Variants in GLYATL1 observed in about 807,000 individuals in gnomAD.
GLYATL1 encodes the protein glycine-N-acyltransferase like 1.
GLYATL1 carries 15 observed loss-of-function variants against 20.0 expected under a neutral mutation model. That is an observed-to-expected ratio of 0.75 (90% CI 0.50 to 1.15). GLYATL1 has a LOEUF of 1.15. Among genes scored for constraint, GLYATL1 ranks in the 50% most tolerant of loss-of-function variants. GLYATL1 has a pLI of 0.00. For missense variants in GLYATL1, 380 were observed against 368.5 expected, an observed-to-expected ratio of 1.03 and a Z score of -0.26; for synonymous variants, 151 against 131.5, an observed-to-expected ratio of 1.15 and a Z score of -1.01.
chr11:58,950,299 A>C (rs1856898728), intron 4 of GLYATL1, among the ~76,000 whole-genome samples: 1 of 151,852 alleles, frequency 6.6e-6, no homozygotes, highest in Non-Finnish European at 1.5e-5. Context: ...CTAAAAAAAA[A>C]AAAACAAAAA....
upstream of GLYATL1, among the ~76,000 whole-genome samples, chr11:58,937,377 C>T (rs1788524): frequency 0.32 from 49,247 of 151,942 alleles, 8,503 homozygotes; most frequent in Non-Finnish European, 0.39. Flanking sequence ...GTCCCAGTGT[C>T]CTCCTGTCAT....
chr11:58,911,081 T>C (rs192314015), downstream of GLYATL1, among the ~76,000 whole-genome samples: 1 of 152,336 alleles, frequency 6.6e-6, no homozygotes, highest in East Asian at 1.9e-4. Flanking sequence ...GACTGAATTA[T>C]ACCCTTTGAG....
intron 1 of GLYATL1, among the ~76,000 whole-genome samples, chr11:58,931,605 G>A (rs958692916): frequency 6.6e-6 from 1 of 152,212 alleles, no homozygotes; most frequent in African/African-American, 2.4e-5. Context: ...AATGGTAAAA[G>A]CAAACATTTG....
intron 4 of GLYATL1, among the ~76,000 whole-genome samples, chr11:58,952,780 C>A (rs1857088462): frequency 6.6e-6 from 1 of 152,174 alleles, no homozygotes; most frequent in South Asian, 2.1e-4. Flanking sequence ...CAATGCTTAG[C>A]TCCCAGTTAT....
chr11:58,918,187 G>A (rs1476744756), intron 1 of GLYATL1, among the ~76,000 whole-genome samples: 2 of 152,176 alleles, frequency 1.3e-5, no homozygotes, highest in Non-Finnish European at 2.9e-5. Flanking sequence ...AGGAGCAAGA[G>A]GCAAGGGAGT....
chr11:58,926,965 C>A (rs1246028216), upstream of GLYATL1, among the ~76,000 whole-genome samples: 2 of 152,190 alleles, frequency 1.3e-5, no homozygotes, highest in African/African-American at 4.8e-5. Flanking sequence ...AAGTATGAAT[C>A]AAAGACTATC....
intron 1 of GLYATL1, among the ~76,000 whole-genome samples, chr11:58,930,916 G>A (rs945545671): frequency 6.6e-6 from 1 of 152,172 alleles, no homozygotes. Flanking sequence ...CAATTCATAT[G>A]TTTAAATCCT....
At chr11:58,936,007 A>G (rs1855818491), upstream of GLYATL1, among the ~76,000 whole-genome samples, 1 of 152,226 alleles carries the variant, frequency 6.6e-6, no homozygotes, top group Non-Finnish European at 1.5e-5. Flanking sequence ...ATGAAGTATG[A>G]CTTCTATTTC....
intron 3 of GLYATL1, 150 bp from the exon 4 acceptor site, chr11:58,947,708 G>C (rs972374958): frequency 1.6e-6 from 1 of 618,252 alleles, no homozygotes; most frequent in Non-Finnish European, 2.9e-6. Context: ...CCATCAGTAT[G>C]GTCCTCTCCA....
chr11:58,929,873 T>A (rs1179424967), intron 1 of GLYATL1, among the ~76,000 whole-genome samples: 1 of 152,236 alleles, frequency 6.6e-6, no homozygotes, highest in African/African-American at 2.4e-5. Flanking sequence ...TTCTTTCACC[T>A]GCATCATGGC....
chr11:58,918,597 C>T (rs1855235005), intron 1 of GLYATL1, among the ~76,000 whole-genome samples: 1 of 152,128 alleles, frequency 6.6e-6, no homozygotes, highest in African/African-American at 2.4e-5. Flanking sequence ...CATTCTTACA[C>T]CCAGAATGGG....
At chr11:58,929,128 C>A (rs889471897) in intron 1 of GLYATL1, among the ~76,000 whole-genome samples, 4 of 152,300 alleles carry the variant, frequency 2.6e-5, no homozygotes, top group East Asian at 1.9e-4. Context: ...GTGTGAATCC[C>A]AACAATCCAG....
chr11:58,924,253 G>A (rs1855373653), upstream of GLYATL1, among the ~76,000 whole-genome samples: 1 of 152,182 alleles, frequency 6.6e-6, no homozygotes, highest in South Asian at 2.1e-4. Flanking sequence ...TAAAACTCAG[G>A]TACCATGGTT....
rs908464226 is a variant in GLYATL1, at chr11:58,945,734, AT to A, written c.-42-1302del. 1.8e-3 allele frequency among the ~76,000 whole-genome samples: 266 copies of A among 149,748 alleles called. 2 individuals carry two copies. Among genetic ancestry groups the A allele is most frequent in the Admixed American group, 3.0e-3 (45 of 14,992 alleles). ...TGGAGATGGGGGGAAGAAAAAGACC[AT>A]TTTTTTTTTGACAGCTACAAGAACA... On this transcript the variant is annotated intron_variant, in intron 2 of 6. Coordinates refer to ENST00000532726, the MANE Select transcript of GLYATL1 (RefSeq NM_001389712.2).
intron 4 of GLYATL1, among the ~76,000 whole-genome samples, chr11:58,953,132 A>G (rs1179139453): frequency 6.6e-6 from 1 of 152,242 alleles, no homozygotes; most frequent in Non-Finnish European, 1.5e-5. Context: ...CTTTGTAGCA[A>G]CATGGCTGAA....
chr11:58,907,238 C>T (rs1483719630), intron 1 of GLYATL1: 1 of 456,168 alleles, frequency 2.2e-6, no homozygotes, highest in Non-Finnish European at 4.4e-6. Context: ...TCTGCCTCTG[C>T]AGGTCACCCG....
At chr11:58,919,636 GT>G (rs1322515348) in intron 1 of GLYATL1, among the ~76,000 whole-genome samples, 2 of 151,974 alleles carry the variant, frequency 1.3e-5, no homozygotes, top group African/African-American at 2.4e-5. Flanking sequence ...CCCCGAAAAG[GT>G]ACAAATAAAC....
At chr11:58,947,581 C>G in intron 3 of GLYATL1, 1 of 484,250 alleles carries the variant, frequency 2.1e-6, no homozygotes, top group Non-Finnish European at 3.7e-6. Flanking sequence ...CTGAATAAAT[C>G]TATACAATAT....
chr11:58,950,667 A>G (rs777568489), intron 4 of GLYATL1, among the ~76,000 whole-genome samples: 11 of 152,186 alleles, frequency 7.2e-5, no homozygotes, highest in Non-Finnish European at 1.5e-4. Context: ...GGATTCCACA[A>G]TTTTATTTTT....
Sources: gnomAD v4.1 joint callset for allele counts (sites outside exome capture counted in the v4.1 genomes callset) on GRCh38, gnomAD v4.1.1 for gene constraint, MANE v1.5 for transcripts, NCBI Gene and HGNC (gene_info 2026-07-23, HGNC 2026-07-21) for gene names.